Variants in CACHD1 observed in about 807,000 individuals in gnomAD.
CACHD1 encodes VWFA and cache domain-containing protein 1.
Under a neutral mutation model 138.7 loss-of-function variants are expected in CACHD1, and 71 were observed. That is an observed-to-expected ratio of 0.51 (90% CI 0.42 to 0.62). The LOEUF is 0.62. CACHD1 is among the 20% of genes least tolerant of loss of function. The probability of loss-of-function intolerance (pLI) is 0.00; values close to 1 mark genes in which losing one functional copy is unlikely to be tolerated. For missense variants in CACHD1, 1,389 were observed against 1,625.3 expected, an observed-to-expected ratio of 0.85 and a Z score of 2.50; for synonymous variants, 578 against 591.5, an observed-to-expected ratio of 0.98 and a Z score of 0.33.
At chr1:64,482,877 A>G (rs925202985) in intron 1 of CACHD1, among the ~76,000 whole-genome samples, 1 of 152,224 alleles carries the variant, frequency 6.6e-6, no homozygotes, top group East Asian at 1.9e-4. Flanking sequence ...GAGCTCTTGC[A>G]GGAAAGAACA....
intron 2 of CACHD1, among the ~76,000 whole-genome samples, chr1:64,570,546 A>G (rs17323323): frequency 0.024 from 3,612 of 152,286 alleles, 59 homozygotes; most frequent in Non-Finnish European, 0.039. Context: ...TCCTGCAGCC[A>G]AACAGCCAAT....
At chr1:64,551,626 A>G (rs532403140) in intron 2 of CACHD1, among the ~76,000 whole-genome samples, 19 of 152,318 alleles carry the variant, frequency 1.2e-4, no homozygotes, top group Non-Finnish European at 1.0e-4. Flanking sequence ...TATTATGTTC[A>G]TGGAGAACAG....
chr1:64,626,628 C>A (rs1029219894), intron 4 of CACHD1, among the ~76,000 whole-genome samples: 1 of 152,200 alleles, frequency 6.6e-6, no homozygotes, highest in African/African-American at 2.4e-5. Context: ...AAAGCTCTCA[C>A]TCCCCTCCTC....
At chr1:64,551,026 G>A (rs1292521802) in intron 2 of CACHD1, among the ~76,000 whole-genome samples, 1 of 152,114 alleles carries the variant, frequency 6.6e-6, no homozygotes, top group Non-Finnish European at 1.5e-5. Context: ...TCCTTATTTT[G>A]TAGCCCCAGT....
rs146799673 is a variant in CACHD1, at chr1:64,559,178, C to A, written c.261+8522C>A. ...CCCAGAGGAATATAAGCATTCTACT[C>A]TAAAGACACATGTGTGCGAATGTTC... On this transcript the variant is annotated intron_variant, in intron 2 of 26. Coordinates refer to ENST00000651257, the MANE Select transcript of CACHD1 (RefSeq NM_020925.4). Among the ~76,000 whole-genome samples, 330 of 152,308 alleles carry A rather than the reference C, an allele frequency of 2.2e-3. 1 individual carries two copies. The highest frequency in any genetic ancestry group is 7.3e-3 in the African/African-American group (303 of 41,564).
intron 2 of CACHD1, among the ~76,000 whole-genome samples, chr1:64,559,501 G>A (rs1557492741): frequency 6.6e-6 from 1 of 152,112 alleles, no homozygotes; most frequent in Non-Finnish European, 1.5e-5. Flanking sequence ...TACTTGACAG[G>A]AGAGGATAGG....
chr1:64,637,827 G>A (rs7552434), intron 7 of CACHD1, among the ~76,000 whole-genome samples: 25,280 of 152,078 alleles, frequency 0.17, 2,483 homozygotes, highest in East Asian at 0.31. Context: ...AGGAATGAGC[G>A]TTGTCCAGTT....
chr1:64,552,757 G>A (rs1646769604), intron 2 of CACHD1, among the ~76,000 whole-genome samples: 1 of 152,166 alleles, frequency 6.6e-6, no homozygotes, highest in Non-Finnish European at 1.5e-5. Context: ...GGGATTACAG[G>A]CATGGGCCAC....
intron 4 of CACHD1, among the ~76,000 whole-genome samples, chr1:64,626,802 C>T (rs1392361280): frequency 6.6e-6 from 1 of 152,194 alleles, no homozygotes; most frequent in Non-Finnish European, 1.5e-5. Flanking sequence ...ACAGGTAGAT[C>T]TTTGCTATCT....
intron 1 of CACHD1, among the ~76,000 whole-genome samples, chr1:64,549,551 A>G (rs1214946818): frequency 1.3e-5 from 2 of 151,912 alleles, no homozygotes; most frequent in Admixed American, 1.3e-4. Flanking sequence ...ATCTTCCTCC[A>G]TTTGGTCTGT....
chr1:64,672,656 A>T (rs1026510453), intron 17 of CACHD1, among the ~76,000 whole-genome samples: 6 of 152,196 alleles, frequency 3.9e-5, no homozygotes, highest in Non-Finnish European at 7.3e-5. Flanking sequence ...GTCTTGGAAC[A>T]TATCTTCCAC....
At chr1:64,602,701 A>G (rs961297219) in intron 3 of CACHD1, 105 bp from the exon 4 acceptor site, 10 of 727,284 alleles carry the variant, frequency 1.4e-5, no homozygotes, top group Non-Finnish European at 2.2e-5. Flanking sequence ...TCATAGTTGT[A>G]CTGTTTACGG....
intron 1 of CACHD1, among the ~76,000 whole-genome samples, chr1:64,491,562 A>C (rs1323950396): frequency 1.3e-5 from 2 of 152,098 alleles, no homozygotes; most frequent in African/African-American, 2.4e-5. Context: ...CAGGGGGGAA[A>C]TCCACCCCCA....
chr1:64,652,400 G>T, intron 10 of CACHD1, 90 bp downstream of exon 10: 1 of 1,215,302 alleles, frequency 8.2e-7, no homozygotes, highest in South Asian at 1.5e-5. Context: ...ATAGGAAAAT[G>T]ATAGTGTAAA....
intron 1 of CACHD1, among the ~76,000 whole-genome samples, chr1:64,472,934 C>T (rs1403579224): frequency 6.6e-6 from 1 of 151,642 alleles, no homozygotes; most frequent in South Asian, 2.1e-4. Flanking sequence ...TACTGTTTCT[C>T]ACCCAGTCCT....
At chr1:64,644,501 T>G (rs1648839644) in intron 8 of CACHD1, among the ~76,000 whole-genome samples, 1 of 152,244 alleles carries the variant, frequency 6.6e-6, no homozygotes, top group Admixed American at 6.5e-5. Context: ...CTTCTTTACT[T>G]CCTTGCTGTC....
Position 64,629,451 on chromosome 1 carries a change from G to A in CACHD1, c.614G>A (p.Arg205Gln), listed in dbSNP as rs373911547. ...ACTGTTTTCCCAGCACACAAGTTCC[G>A]GTGTAAGGGCAGCTACGAACACCGC... ...IFTVFPAHKF[R>Q]CKGSYEHRSR... Residue 205 changes from arginine to glutamine, a missense_variant, in exon 5 of 27, where the codon CGG becomes CAG. By Grantham distance (43) the Arg-to-Gln change is conservative. Coordinates refer to ENST00000651257, the MANE Select transcript of CACHD1 (RefSeq NM_020925.4). 67 of 1,613,920 alleles carry A rather than the reference G, an allele frequency of 4.2e-5. No homozygotes were observed. The highest frequency in any genetic ancestry group is 1.6e-4 in the Middle Eastern group (1 of 6,082).
At chr1:64,472,518 A>C (rs1352729351) in intron 1 of CACHD1, among the ~76,000 whole-genome samples, 1 of 152,250 alleles carries the variant, frequency 6.6e-6, no homozygotes, top group African/African-American at 2.4e-5. Context: ...CTTGATTTGC[A>C]TAATAATAGA....
At position 64,489,522 on chromosome 1, in the gene CACHD1, G is replaced by A. The variant is rs12041642; in HGVS notation, c.198+18580G>A. Among the ~76,000 whole-genome samples the A allele has an allele frequency of 5.0e-3, 763 of 152,252 alleles. 9 individuals carry two copies. Among genetic ancestry groups the A allele is most frequent in the East Asian group, 0.038 (195 of 5,180 alleles). ...TAGAGGGGTTATAAAAGCAGACCCC[G>A]CTCTCAGGCCAACTCACAAAAGCCT... is the stretch of plus-strand genomic sequence containing the variant. On this transcript the variant is annotated intron_variant, in intron 1 of 26. Coordinates refer to ENST00000651257, the MANE Select transcript of CACHD1 (RefSeq NM_020925.4).
Sources: gnomAD v4.1 joint callset for allele counts (sites outside exome capture counted in the v4.1 genomes callset) on GRCh38, gnomAD v4.1.1 for gene constraint, MANE v1.5 for transcripts, NCBI Gene and HGNC (gene_info 2026-07-23, HGNC 2026-07-21) for gene names.